GOLPH3L: variants seen among roughly 807,000 people sequenced by gnomAD.
GOLPH3L encodes Golgi phosphoprotein 3-like.
A neutral mutation model predicts 30.3 loss-of-function variants in GOLPH3L; 22 were observed. That is an observed-to-expected ratio of 0.73 (90% CI 0.52 to 1.04). The LOEUF (loss-of-function observed/expected upper bound fraction) is 1.04. GOLPH3L is among the 50% of genes least tolerant of loss of function. GOLPH3L has a pLI of 0.00. For synonymous variants in GOLPH3L, 120 were observed against 128.2 expected, an observed-to-expected ratio of 0.94 and a Z score of 0.43; for missense variants, 303 against 345.8, an observed-to-expected ratio of 0.88 and a Z score of 0.98.
chr1:150,667,847 G>T (rs1311693372), intron 2 of GOLPH3L, among the ~76,000 whole-genome samples: 2 of 151,948 alleles, frequency 1.3e-5, no homozygotes, highest in Non-Finnish European at 2.9e-5. Context: ...GCCTGCCTCG[G>T]CCTCCCAAAG....
intron 2 of GOLPH3L, among the ~76,000 whole-genome samples, chr1:150,672,033 G>A (rs986079934): frequency 2.0e-5 from 3 of 151,970 alleles, no homozygotes; most frequent in African/African-American, 7.2e-5. Flanking sequence ...TCTACAGTGA[G>A]AAAATATCAC....
intron 4 of GOLPH3L, among the ~76,000 whole-genome samples, chr1:150,650,145 T>G (rs587599130): frequency 6.6e-6 from 1 of 152,226 alleles, no homozygotes; most frequent in South Asian, 2.1e-4. Context: ...CTCCCTGATT[T>G]GTGATGGCTA....
At chr1:150,681,900 C>G (rs2101811108) in intron 2 of GOLPH3L, among the ~76,000 whole-genome samples, 1 of 152,032 alleles carries the variant, frequency 6.6e-6, no homozygotes, top group African/African-American at 2.4e-5. Flanking sequence ...AGCCCTGTCT[C>G]TACTAAAAAT....
intron 2 of GOLPH3L, among the ~76,000 whole-genome samples, chr1:150,669,689 C>T (rs188420136): frequency 2.6e-5 from 4 of 152,242 alleles, no homozygotes; most frequent in African/African-American, 9.6e-5. Context: ...AGGCCGGGCG[C>T]GGTGGCTCAC....
Position 150,648,720 on chromosome 1 carries a change from C to T in GOLPH3L, c.459G>A (p.Gln153=), listed in dbSNP as rs144256489. 5.7e-5 allele frequency: 92 copies of T among 1,612,072 alleles called. 1 individual carries two copies. In the African/African-American group the frequency reaches 1.0e-3, roughly 18 times the overall value. Residue 153 remains glutamine (Q), a synonymous_variant, in exon 5 of 5, where the codon CAG becomes CAA. Coordinates refer to ENST00000271732, the MANE Select transcript of GOLPH3L (RefSeq NM_018178.6). ...TGETWNPFKL[Q]YQLRNVRERI... ...GCTCTCGTACATTTCTCAGCTGGTA[C>T]TGTAATTTGAAGGGGTTCCAGGTCT...
In GOLPH3L at chr1:150,664,176, A is replaced by C. The variant is rs587763889; in HGVS notation, c.184-413T>G. ...ACCATGCCTGGCTGTTTTTAAAAAA[A>C]ATTTTTTTGTAGAGACAAGGTCTTG... On this transcript the variant is annotated intron_variant, in intron 2 of 4. Coordinates refer to ENST00000271732, the MANE Select transcript of GOLPH3L (RefSeq NM_018178.6). Among the ~76,000 whole-genome samples, 22 of 151,674 alleles carry C rather than the reference A, an allele frequency of 1.5e-4. No individual in the cohort carries two copies. The East Asian group carries it at 3.9e-3, about 27-fold the overall frequency.
At chr1:150,651,054 C>T (rs587660789) in intron 4 of GOLPH3L, among the ~76,000 whole-genome samples, 1 of 152,364 alleles carries the variant, frequency 6.6e-6, no homozygotes, top group Non-Finnish European at 1.5e-5. Flanking sequence ...CGGTGGCTCA[C>T]GCCTGTAATC....
chr1:150,670,635 AGAAAGT>A (rs1287963016), intron 2 of GOLPH3L, among the ~76,000 whole-genome samples: 1 of 152,194 alleles, frequency 6.6e-6, no homozygotes, highest in Admixed American at 6.5e-5. Context: ...TGTAGACTTT[AGAAAGT>A]GAAAGTGTTC....
chr1:150,679,596 G>C (rs1650902071), intron 2 of GOLPH3L, among the ~76,000 whole-genome samples: 1 of 152,140 alleles, frequency 6.6e-6, no homozygotes, highest in Admixed American at 6.5e-5. Context: ...AGGAGTTAGA[G>C]ACCAGCCTGG....
chr1:150,674,826 A>G (rs1182729925), intron 2 of GOLPH3L, among the ~76,000 whole-genome samples: 1 of 151,888 alleles, frequency 6.6e-6, no homozygotes, highest in Non-Finnish European at 1.5e-5. Context: ...CAGGAGGTCA[A>G]GGGGGCAGTG....
chr1:150,683,699 CA>C (rs397981524), intron 2 of GOLPH3L, among the ~76,000 whole-genome samples: 343 of 14,874 alleles, frequency 0.023, 2 homozygotes, highest in Admixed American at 0.035. Context: ...GACTCTCTCT[CA>C]AAAAAAAAAA....
chr1:150,692,526 C>T (rs587654376), intron 2 of GOLPH3L, among the ~76,000 whole-genome samples: 10 of 152,320 alleles, frequency 6.6e-5, no homozygotes, highest in African/African-American at 2.2e-4. Context: ...GCTAGGACTA[C>T]AGGCATGTGC....
At chr1:150,651,628 G>A (rs866003824) in intron 4 of GOLPH3L, among the ~76,000 whole-genome samples, 1 of 117,828 alleles carries the variant, frequency 8.5e-6, no homozygotes, top group Non-Finnish European at 1.6e-5. Context: ...CAGCCTCAGC[G>A]ACAGAGCGAA....
At chr1:150,673,200 C>T (rs1179138255) in intron 2 of GOLPH3L, among the ~76,000 whole-genome samples, 1 of 152,018 alleles carries the variant, frequency 6.6e-6, no homozygotes, top group Non-Finnish European at 1.5e-5. Context: ...GACATAGTCT[C>T]CCTCTGTCAC....
chr1:150,692,743 C>T (rs986067348), intron 2 of GOLPH3L, among the ~76,000 whole-genome samples: 1 of 152,160 alleles, frequency 6.6e-6, no homozygotes, highest in Admixed American at 6.5e-5. Flanking sequence ...CTCACCATGG[C>T]CATAGCTCTT....
chr1:150,661,764 G>A, intron 4 of GOLPH3L, 50 bp downstream of exon 4: 1 of 857,630 alleles, frequency 1.2e-6, no homozygotes, highest in Non-Finnish European at 2.0e-6. Context: ...TTCAGGGTAG[G>A]ATAAAGATAA....
intron 4 of GOLPH3L, among the ~76,000 whole-genome samples, chr1:150,653,258 T>C (rs1041884800): frequency 1.3e-5 from 2 of 150,480 alleles, no homozygotes; most frequent in African/African-American, 4.9e-5. Flanking sequence ...AGAAGTAAAG[T>C]TTCCTTGGAA....
At chr1:150,684,808 C>A (rs1012201414) in intron 2 of GOLPH3L, among the ~76,000 whole-genome samples, 1 of 152,052 alleles carries the variant, frequency 6.6e-6, no homozygotes, top group African/African-American at 2.4e-5. Flanking sequence ...GCTGGGATTA[C>A]GGGCATGCAC....
At chr1:150,680,563 A>G (rs1650926682) in intron 2 of GOLPH3L, among the ~76,000 whole-genome samples, 1 of 152,190 alleles carries the variant, frequency 6.6e-6, no homozygotes, top group South Asian at 2.1e-4. Flanking sequence ...TGTTCCAATA[A>G]CTAAGGTCAG....
Sources: gnomAD v4.1 joint callset for allele counts (sites outside exome capture counted in the v4.1 genomes callset) on GRCh38, gnomAD v4.1.1 for gene constraint, MANE v1.5 for transcripts, NCBI Gene and HGNC (gene_info 2026-07-23, HGNC 2026-07-21) for gene names.